ELP1: variants seen among roughly 807,000 people sequenced by gnomAD.
ELP1 encodes elongator complex protein 1.
ELP1 carries 131 observed loss-of-function variants against 183.2 expected under a neutral mutation model. The observed-to-expected ratio is 0.72, with a 90% CI of 0.62 to 0.83. The LOEUF (loss-of-function observed/expected upper bound fraction) is 0.83, where lower values mean the gene tolerates loss of function less well. ELP1 is among the 40% of genes least tolerant of loss of function. The pLI is 0.00. For synonymous variants in ELP1, 555 were observed against 569.0 expected, an observed-to-expected ratio of 0.98 and a Z score of 0.35; for missense variants, 1,550 against 1,594.9, an observed-to-expected ratio of 0.97 and a Z score of 0.48.
intron 29 of ELP1, among the ~76,000 whole-genome samples, chr9:108,886,060 G>A (rs987853980): frequency 3.3e-5 from 5 of 152,204 alleles, no homozygotes; most frequent in African/African-American, 9.7e-5. Context: ...TGCAAATACT[G>A]TTACAAGAGC....
chr9:108,914,828 T>A (rs1054280750), intron 10 of ELP1, among the ~76,000 whole-genome samples: 1 of 152,174 alleles, frequency 6.6e-6, no homozygotes, highest in African/African-American at 2.4e-5. Context: ...GGTTACACCG[T>A]GTTAGCCAGG....
chr9:108,919,394 A>C (rs747851354), intron 6 of ELP1, 45 bp from the exon 7 acceptor site: 8 of 1,301,524 alleles, frequency 6.1e-6, no homozygotes, highest in East Asian at 2.3e-5. Flanking sequence ...GACCTTAAGT[A>C]TCCCAGAATC....
At chr9:108,918,681 C>G (rs917857671) in intron 8 of ELP1, 130 bp downstream of exon 8, 2 of 756,740 alleles carry the variant, frequency 2.6e-6, no homozygotes, top group South Asian at 2.8e-5. Context: ...ATAGATACAG[C>G]CTTATAACCA....
chr9:108,887,526 C>T (rs1407082913), intron 29 of ELP1, among the ~76,000 whole-genome samples: 3 of 152,106 alleles, frequency 2.0e-5, no homozygotes, highest in Non-Finnish European at 4.4e-5. Context: ...ATACAGCCTC[C>T]CTGCAAAACA....
At chr9:108,923,311 G>A (rs1175756642) in intron 5 of ELP1, among the ~76,000 whole-genome samples, 1 of 152,196 alleles carries the variant, frequency 6.6e-6, no homozygotes, top group African/African-American at 2.4e-5. Context: ...GTTCAAGGCT[G>A]CAGTGAGCCC....
intron 29 of ELP1, among the ~76,000 whole-genome samples, chr9:108,884,498 A>C (rs1828049348): frequency 6.6e-6 from 1 of 152,044 alleles, no homozygotes; most frequent in Non-Finnish European, 1.5e-5. Context: ...CCATATTATA[A>C]ATTAAAATAA....
intron 1 of ELP1, among the ~76,000 whole-genome samples, chr9:108,933,306 G>A (rs1231268373): frequency 6.6e-5 from 10 of 152,166 alleles, no homozygotes; most frequent in African/African-American, 2.4e-4. Context: ...TAGTTCCGTG[G>A]CTGTCAATAT....
In ELP1 at chr9:108,868,703, T is replaced by C; in HGVS notation, c.*412A>G. 1 of 501,394 alleles carries C rather than the reference T, an allele frequency of 2.0e-6. No individual in the cohort carries two copies. Among genetic ancestry groups the C allele is most frequent in the Non-Finnish European group, 3.5e-6 (1 of 286,732 alleles). The allele number at this position is 501,394 out of a possible 1,614,324, so 31.1% of individuals were successfully genotyped here. A position where few individuals can be genotyped will look rare whatever the true frequency, so the allele number is the denominator to read the frequency against. On this transcript the variant is annotated 3_prime_UTR_variant, in exon 37 of 37. Transcript: ENST00000374647. ...CAAGAAGCTATTTAAGTGATTACAT[T>C]TGACCAAATGTAGCACTAATAGCCA...
At chr9:108,921,680 T>TTGTG (rs1205895055) in intron 6 of ELP1, among the ~76,000 whole-genome samples, 1 of 152,102 alleles carries the variant, frequency 6.6e-6, no homozygotes, top group East Asian at 1.9e-4. Context: ...AGAAGCAAGG[T>TTGTG]TGTGTCTCAG....
chr9:108,914,411 AAAG>A (rs1220505327), intron 10 of ELP1, among the ~76,000 whole-genome samples: 7 of 119,714 alleles, frequency 5.8e-5, no homozygotes, highest in Non-Finnish European at 1.0e-4. Flanking sequence ...AAAAAAAAAA[AAAG>A]GGGGGGGGGG....
At chr9:108,898,971 A>G (rs907386508) in intron 20 of ELP1, among the ~76,000 whole-genome samples, 8 of 152,148 alleles carry the variant, frequency 5.3e-5, no homozygotes, top group African/African-American at 1.7e-4. Flanking sequence ...TGACTGTCTG[A>G]GAACTACATC....
At chr9:108,903,849 ACACT>A (rs141702797) in intron 14 of ELP1, among the ~76,000 whole-genome samples, 180 bp from the exon 15 acceptor site, 2 of 148,514 alleles carry the variant, frequency 1.3e-5, no homozygotes, top group African/African-American at 5.0e-5. Flanking sequence ...ACACACACAC[ACACT>A]TATACACTTA....
rs149704507 is a variant in ELP1, at chr9:108,918,992, A to G, written c.650-91T>C. The G allele has an allele frequency of 1.1e-5, 11 of 976,736 alleles. No homozygotes were observed. In the African/African-American group the frequency reaches 1.6e-4, roughly 14 times the overall value. 60.5% of individuals were successfully genotyped at this position (976,736 alleles called of 1,614,324 possible). On this transcript the variant is annotated intron_variant, in intron 7 of 36. Transcript: ENST00000374647. Reference sequence around the variant, plus strand: ...GAACTATTCAAACACCTTCCTTACAAATAAAAACTGCCATGGTTTTACATA... The same window carrying G: ...GAACTATTCAAACACCTTCCTTACAGATAAAAACTGCCATGGTTTTACATA...
intron 31 of ELP1, among the ~76,000 whole-genome samples, chr9:108,880,563 C>T (rs78993159): frequency 0.011 from 1,644 of 151,962 alleles, 28 homozygotes; most frequent in African/African-American, 0.038. Context: ...ATCAAAATGC[C>T]CATGGATGTG....
At chr9:108,884,379 T>C (rs960252279) in intron 29 of ELP1, among the ~76,000 whole-genome samples, 1 of 152,152 alleles carries the variant, frequency 6.6e-6, no homozygotes, top group African/African-American at 2.4e-5. Flanking sequence ...TATAAAAAGC[T>C]AGAACAGCAT....
intron 5 of ELP1, among the ~76,000 whole-genome samples, chr9:108,925,954 C>G (rs1047254883): frequency 6.6e-6 from 1 of 152,180 alleles, no homozygotes; most frequent in Non-Finnish European, 1.5e-5. Context: ...GAAGTTAGAC[C>G]ATAACAGAAG....
intron 31 of ELP1, among the ~76,000 whole-genome samples, chr9:108,881,073 G>A (rs1827911204): frequency 6.6e-6 from 1 of 152,120 alleles, no homozygotes; most frequent in Non-Finnish European, 1.5e-5. Flanking sequence ...TCTAGAACTG[G>A]TAATATTCAT....
Position 108,893,946 on chromosome 9 carries a change from A to G in ELP1, c.2857T>C (p.Cys953Arg). ...YEKAIGHLSK[C>R]GPEYFPECLN... Reference sequence around the variant, plus strand: ...ACATACTAATCCCCACACTTACCACATTTGCTGAGGTGGCCAATGGCTTTT... The same window carrying G: ...ACATACTAATCCCCACACTTACCACGTTTGCTGAGGTGGCCAATGGCTTTT... Residue 953 changes from cysteine (C) to arginine (R), a missense_variant, in exon 26 of 37, where the codon TGT becomes CGT. Physicochemically the swap from Cys to Arg is radical, Grantham distance 180. Coordinates refer to ENST00000374647, the MANE Select transcript of ELP1 (RefSeq NM_003640.5). The G allele has an allele frequency of 1.2e-6, 2 of 1,613,820 alleles. No individual in the cohort carries two copies. Among genetic ancestry groups the G allele is most frequent in the Non-Finnish European group, 1.7e-6 (2 of 1,179,860 alleles).
chr9:108,872,561 T>G (rs943024143), intron 36 of ELP1, among the ~76,000 whole-genome samples: 1 of 151,872 alleles, frequency 6.6e-6, no homozygotes, highest in Non-Finnish European at 1.5e-5. Flanking sequence ...TCCCAGCACT[T>G]TGGGAGGCCG....
Sources: allele counts gnomAD v4.1 joint callset (sites outside exome capture counted in the v4.1 genomes callset), GRCh38; gene constraint gnomAD v4.1.1; transcripts MANE v1.5; gene names NCBI Gene and HGNC (gene_info 2026-07-23, HGNC 2026-07-21).